FAM120B: variants seen among roughly 807,000 people sequenced by gnomAD.
The protein encoded by FAM120B is constitutive coactivator of peroxisome proliferator-activated receptor gamma.
Under a neutral mutation model 96.3 loss-of-function variants are expected in FAM120B, and 83 were observed. The ratio of observed to expected loss-of-function variants is 0.86; its 90% CI spans 0.72 to 1.03. The LOEUF (loss-of-function observed/expected upper bound fraction) is 1.03. FAM120B is among the 50% of genes least tolerant of loss of function. The pLI is 0.00. For synonymous variants in FAM120B, 407 were observed against 402.7 expected (o/e 1.01, Z -0.13); for missense variants, 1,027 against 1,121.2 (o/e 0.92, Z 1.20).
intron 6 of FAM120B, among the ~76,000 whole-genome samples, chr6:170,373,629 G>A (rs563157843): frequency 6.6e-6 from 1 of 152,258 alleles, no homozygotes; most frequent in South Asian, 2.1e-4. Flanking sequence ...CAAGGTTACC[G>A]CACAGTGTTT....
intron 1 of FAM120B, among the ~76,000 whole-genome samples, chr6:170,308,210 C>G (rs9356637): frequency 0.1 from 15,693 of 152,222 alleles, 1,026 homozygotes; most frequent in East Asian, 0.2. Context: ...AGTGTTTCCC[C>G]TGACTTTGCC....
At chr6:170,396,960 G>C (rs1250572488) in intron 9 of FAM120B, among the ~76,000 whole-genome samples, 1 of 152,258 alleles carries the variant, frequency 6.6e-6, no homozygotes, top group Non-Finnish European at 1.5e-5. Flanking sequence ...AGTCCTGTGT[G>C]ATGCATGTGC....
At chr6:170,327,089 C>T (rs576410813) in intron 3 of FAM120B, among the ~76,000 whole-genome samples, 3 of 152,006 alleles carry the variant, frequency 2.0e-5, no homozygotes, top group African/African-American at 7.3e-5. Flanking sequence ...CTCTGTCGCC[C>T]AGGCTGGAGG....
intron 6 of FAM120B, among the ~76,000 whole-genome samples, chr6:170,377,797 G>A (rs1789645444): frequency 7.3e-6 from 1 of 136,132 alleles, no homozygotes. Context: ...CCAGATGCCT[G>A]GGAGAACACA....
intron 9 of FAM120B, 25 bp from the exon 10 acceptor site, chr6:170,404,525 T>C: frequency 6.2e-7 from 1 of 1,609,628 alleles, no homozygotes; most frequent in Middle Eastern, 1.7e-4. Flanking sequence ...ATTCTTACTT[T>C]GGTTTTCATG....
intron 4 of FAM120B, among the ~76,000 whole-genome samples, chr6:170,347,056 G>C (rs1787238960): frequency 6.6e-6 from 1 of 152,166 alleles, no homozygotes; most frequent in Admixed American, 6.5e-5. Context: ...AGTGAGTTTT[G>C]TTGAGTTGTT....
At chr6:170,295,184 G>GTTACTTCCTTGCTGC (rs1160112868), upstream of FAM120B, 2 of 502,884 alleles carry the variant, frequency 4.0e-6, no homozygotes, top group Non-Finnish European at 7.0e-6. The surrounding 1 kb of genome is among the most constrained non-coding windows in gnomAD (Gnocchi z 7.8). Flanking sequence ...AGCTATCATG[G>GTTACTTCCTTGCTGC]TTACTTCCTT....
intron 8 of FAM120B, among the ~76,000 whole-genome samples, chr6:170,395,010 G>A (rs1266733159): frequency 3.3e-5 from 5 of 152,234 alleles, no homozygotes; most frequent in Admixed American, 6.5e-5. Flanking sequence ...GAGACAAACA[G>A]GACAAGGTGT....
intron 5 of FAM120B, among the ~76,000 whole-genome samples, chr6:170,350,347 T>C (rs1207471340): frequency 6.6e-6 from 1 of 152,172 alleles, no homozygotes; most frequent in African/African-American, 2.4e-5. Context: ...ACGGCCACAG[T>C]TCAGTCAACT....
chr6:170,349,155 C>G (rs899078723), intron 5 of FAM120B, among the ~76,000 whole-genome samples: 2 of 152,190 alleles, frequency 1.3e-5, no homozygotes, highest in African/African-American at 4.8e-5. Context: ...CTCCCCACCT[C>G]CCTCCCTGGC....
At chr6:170,360,900 G>T (rs938716547) in intron 6 of FAM120B, among the ~76,000 whole-genome samples, 3 of 152,116 alleles carry the variant, frequency 2.0e-5, no homozygotes, top group Non-Finnish European at 2.9e-5. Context: ...GAAAGGTGGA[G>T]ATGTGGTTTG....
intron 4 of FAM120B, among the ~76,000 whole-genome samples, chr6:170,335,304 G>A (rs977468068): frequency 1.3e-5 from 2 of 151,864 alleles, no homozygotes; most frequent in African/African-American, 4.8e-5. Context: ...GAGAACATGC[G>A]GTGTTTGGTT....
rs942867487 is a variant in FAM120B, at chr6:170,370,885, T to C, written c.2283+12567T>C. The stretch of plus-strand genomic sequence containing the variant: ...GATACTGCAGTAGAATTTGCAGCAC[T>C]TGGCCCTGTGTGCAGGCGGGAGTCA... On this transcript the variant is annotated intron_variant, in intron 6 of 10. Transcript: ENST00000476287. This position sits in a 1 kb window ranked among gnomAD's most constrained non-coding sequence, Gnocchi z 4.3. Among the ~76,000 whole-genome samples, 7 of 152,314 alleles carry C rather than the reference T, an allele frequency of 4.6e-5. No individual in the cohort carries two copies. Among genetic ancestry groups the C allele is most frequent in the Non-Finnish European group, 1.5e-5 (1 of 68,026 alleles).
At chr6:170,337,988 A>T (rs1209908225) in intron 4 of FAM120B, among the ~76,000 whole-genome samples, 1 of 150,982 alleles carries the variant, frequency 6.6e-6, no homozygotes, top group Non-Finnish European at 1.5e-5. Context: ...CAGCTCCTGG[A>T]TTCATTGATT....
chr6:170,392,106 A>G (rs7767775), intron 8 of FAM120B, among the ~76,000 whole-genome samples: 133,505 of 152,294 alleles, frequency 0.88, 58,678 homozygotes, highest in East Asian at 0.94. Flanking sequence ...AGATTGAAAT[A>G]TAATCAATTT....
At chr6:170,354,428 A>G (rs1038775107) in intron 5 of FAM120B, among the ~76,000 whole-genome samples, 1 of 152,220 alleles carries the variant, frequency 6.6e-6, no homozygotes, top group African/African-American at 2.4e-5. Context: ...AATGGGATCT[A>G]ATTAAAGAGC....
chr6:170,321,809 C>T (rs183179813), intron 2 of FAM120B, among the ~76,000 whole-genome samples: 43 of 152,310 alleles, frequency 2.8e-4, no homozygotes, highest in African/African-American at 9.9e-4. Flanking sequence ...TTATTCAACC[C>T]ATTTTCTATA....
chr6:170,337,561 A>G (rs1271481874), intron 4 of FAM120B, among the ~76,000 whole-genome samples: 1 of 152,122 alleles, frequency 6.6e-6, no homozygotes, highest in Non-Finnish European at 1.5e-5. Context: ...AGTTAGGGAA[A>G]AGTCCCTTGT....
Position 170,347,433 on chromosome 6 carries a change from TG to T in FAM120B, c.2018-716del, listed in dbSNP as rs763508197. 4.6e-5 allele frequency among the ~76,000 whole-genome samples: 7 copies of T among 152,384 alleles called. No individual in the cohort carries two copies. In the East Asian group the frequency reaches 1.2e-3, roughly 25 times the overall value. Reference sequence around the variant, plus strand: ...CAGTGTGAGTCGTCATCATTTGTCGTGGTTTCAGTCAATGAGTAAGGGTGTT... The same window carrying T: ...CAGTGTGAGTCGTCATCATTTGTCGTGTTTCAGTCAATGAGTAAGGGTGTT... On this transcript the variant is annotated intron_variant, in intron 4 of 10. Transcript: ENST00000476287.
Sources: allele counts gnomAD v4.1 joint callset (sites outside exome capture counted in the v4.1 genomes callset), GRCh38; gene constraint gnomAD v4.1.1; non-coding constraint Gnocchi (gnomAD v3.1); transcripts MANE v1.5; gene names NCBI Gene and HGNC (gene_info 2026-07-23, HGNC 2026-07-21).